Variants in CHRM2 observed in about 807,000 individuals in gnomAD.
CHRM2 encodes cholinergic receptor muscarinic 2, also known as muscarinic acetylcholine receptor M2.
A neutral mutation model predicts 25.0 loss-of-function variants in CHRM2; 8 were observed. That is an observed-to-expected ratio of 0.32 (90% CI 0.19 to 0.58). The LOEUF is 0.58. CHRM2 is among the 20% of genes least tolerant of loss of function. The pLI, the probability that CHRM2 is intolerant of heterozygous loss-of-function variation, is 0.88. For missense variants in CHRM2, 440 were observed against 567.1 expected (o/e 0.78, Z 2.28); for synonymous variants, 202 against 205.7 (o/e 0.98, Z 0.15).
At chr7:136,908,071 T>G (rs1797651437) in intron 2 of CHRM2, 1 of 151,950 alleles carries the variant, frequency 6.6e-6, no homozygotes, top group African/African-American at 2.4e-5. Context: ...AAAAGAGCCT[T>G]CTAAGCATAG....
chr7:136,975,762 G>C lies in CHRM2; in HGVS notation c.-124-16425G>C, dbSNP rs576023993. Among the ~76,000 whole-genome samples, 11 of 152,232 alleles carry C rather than the reference G, an allele frequency of 7.2e-5. No individual in the cohort carries two copies. The East Asian group carries it at 2.1e-3, about 29-fold the overall frequency. ...AAGTTGGTGCAGTATTTGGAACAAA[G>C]CCAATAAGATTGTGCCCATTATAAA... On this transcript the variant is annotated intron_variant, in intron 2 of 3. Coordinates refer to ENST00000680005, the MANE Select transcript of CHRM2 (RefSeq NM_001006630.2).
At chr7:136,955,660 T>C (rs1281928250) in intron 2 of CHRM2, among the ~76,000 whole-genome samples, 5 of 152,200 alleles carry the variant, frequency 3.3e-5, no homozygotes, top group African/African-American at 1.2e-4. Flanking sequence ...TGGAGTATAC[T>C]AGGACGTATG....
chr7:136,945,255 T>C (rs1407754863), intron 2 of CHRM2, among the ~76,000 whole-genome samples: 1 of 152,264 alleles, frequency 6.6e-6, no homozygotes, highest in East Asian at 1.9e-4. Context: ...CTATATATCT[T>C]TGTTTTTGTT....
At chr7:136,928,657 T>C (rs1798879990) in intron 2 of CHRM2, among the ~76,000 whole-genome samples, 1 of 152,182 alleles carries the variant, frequency 6.6e-6, no homozygotes, top group Admixed American at 6.5e-5. Flanking sequence ...AGAATTCACT[T>C]ATGATTTCAA....
intron 2 of CHRM2, among the ~76,000 whole-genome samples, chr7:136,873,361 T>C (rs890453125): frequency 1.4e-4 from 22 of 152,268 alleles, no homozygotes; most frequent in African/African-American, 5.1e-4. Context: ...GTGTGTATTC[T>C]AAGTCCTTGG....
chr7:137,019,512 G>A lies in CHRM2; in HGVS notation c.*3246G>A, dbSNP rs1486731504. The A allele has an allele frequency of 7.2e-5, 11 of 151,776 alleles. No individual in the cohort carries two copies. Among genetic ancestry groups the A allele is most frequent in the Non-Finnish European group, 1.6e-4 (11 of 67,872 alleles). 9.4% of individuals were successfully genotyped at this position (151,776 alleles called of 1,614,324 possible). On this transcript the variant is annotated 3_prime_UTR_variant, in exon 4 of 4. Coordinates refer to ENST00000680005, the MANE Select transcript of CHRM2 (RefSeq NM_001006630.2). ...CAAAAAATATTAAGAGCCTCTTTCA[G>A]AAACAATATCATTTATCTTCTTTGC...
At chr7:136,955,683 G>C (rs143992912) in intron 2 of CHRM2, among the ~76,000 whole-genome samples, 13 of 152,268 alleles carry the variant, frequency 8.5e-5, no homozygotes, top group Admixed American at 1.3e-4. Context: ...CATTGGTCTA[G>C]GCAGTTGGTT....
At chr7:136,977,249 T>G (rs1368664429) in intron 2 of CHRM2, among the ~76,000 whole-genome samples, 1 of 152,286 alleles carries the variant, frequency 6.6e-6, no homozygotes, top group South Asian at 2.1e-4. Flanking sequence ...AATGGTTTCA[T>G]GATATCTATT....
At chr7:136,954,657 A>G (rs758254104) in intron 2 of CHRM2, among the ~76,000 whole-genome samples, 1 of 152,174 alleles carries the variant, frequency 6.6e-6, no homozygotes, top group African/African-American at 2.4e-5. Context: ...AAAAATATGA[A>G]AGACTTTTGA....
intron 2 of CHRM2, among the ~76,000 whole-genome samples, chr7:136,919,240 T>C (rs1798290479): frequency 6.6e-6 from 1 of 152,140 alleles, no homozygotes; most frequent in Non-Finnish European, 1.5e-5. Flanking sequence ...AGTGGTGGTA[T>C]GCACTTTTAA....
chr7:136,906,460 A>G (rs975916427), intron 2 of CHRM2, among the ~76,000 whole-genome samples: 2 of 151,526 alleles, frequency 1.3e-5, no homozygotes, highest in African/African-American at 4.8e-5. Context: ...TATTCCACAC[A>G]TTTGGTTTTT....
rs150752802 is a variant in CHRM2 at position 136,922,573 on chromosome 7, T to C, written c.-125+53155T>C. Among the ~76,000 whole-genome samples the C allele has an allele frequency of 4.3e-4, 66 of 152,336 alleles. 1 individual carries two copies. The East Asian group carries it at 0.012, about 27-fold the overall frequency. ...CTACACACATTTATCTACAGTTCCCTCATCTTCCTGCCCTGTCTGAGCTCT... is the reference window on the plus strand; with the variant it reads ...CTACACACATTTATCTACAGTTCCCCCATCTTCCTGCCCTGTCTGAGCTCT... On this transcript the variant is annotated intron_variant, in intron 2 of 3. Transcript: ENST00000680005.
chr7:136,933,472 G>A (rs367622528), intron 2 of CHRM2, among the ~76,000 whole-genome samples: 12 of 152,252 alleles, frequency 7.9e-5, no homozygotes, highest in Non-Finnish European at 1.5e-4. Context: ...AACCATTTAC[G>A]TTGTTGATAA....
chr7:137,016,100 T>C lies in CHRM2; in HGVS notation c.1235T>C (p.Phe412Ser). ...PYNVMVLINTFCAPCIPNTVW... is the reference protein window; with the variant it reads ...PYNVMVLINTSCAPCIPNTVW... ...AATGTCATGGTGCTCATTAACACCT[T>C]TTGTGCACCTTGCATCCCCAACACT... Residue 412 changes from phenylalanine to serine, a missense_variant, in exon 4 of 4, where the codon TTT becomes TCT. Physicochemically the swap from Phe to Ser is radical, Grantham distance 155. Coordinates refer to ENST00000680005, the MANE Select transcript of CHRM2 (RefSeq NM_001006630.2). 1 of 1,612,348 alleles carries C rather than the reference T, an allele frequency of 6.2e-7. No individual in the cohort carries two copies.
chr7:136,919,419 T>C (rs1428903283), intron 2 of CHRM2, among the ~76,000 whole-genome samples: 1 of 152,154 alleles, frequency 6.6e-6, no homozygotes, highest in African/African-American at 2.4e-5. Flanking sequence ...GAATATTAAT[T>C]AGTATTCAAA....
chr7:136,978,862 T>C (rs756183097), intron 2 of CHRM2, among the ~76,000 whole-genome samples: 8 of 152,212 alleles, frequency 5.3e-5, no homozygotes, highest in Admixed American at 2.0e-4. Flanking sequence ...GATGGGCATT[T>C]GGGTTGGTTT....
chr7:136,907,873 A>C (rs1312137976), intron 2 of CHRM2: 1 of 151,950 alleles, frequency 6.6e-6, no homozygotes, highest in Admixed American at 6.6e-5. Context: ...AGAGCAGGGG[A>C]TATTCCGTCT....
chr7:136,884,670 G>A (rs539572034), intron 2 of CHRM2, among the ~76,000 whole-genome samples: 1 of 152,130 alleles, frequency 6.6e-6, no homozygotes, highest in Non-Finnish European at 1.5e-5. Context: ...CACTGGGAAT[G>A]TGATGTCCTC....
intron 2 of CHRM2, among the ~76,000 whole-genome samples, chr7:136,888,557 T>A (rs1485210773): frequency 1.3e-5 from 2 of 152,072 alleles, no homozygotes; most frequent in African/African-American, 4.8e-5. Flanking sequence ...GTCTCTGTGG[T>A]GGGGAGTGAG....
Sources: gnomAD v4.1 joint callset for allele counts (sites outside exome capture counted in the v4.1 genomes callset) on GRCh38, gnomAD v4.1.1 for gene constraint, MANE v1.5 for transcripts, NCBI Gene and HGNC (gene_info 2026-07-23, HGNC 2026-07-21) for gene names.